Variants in PDZRN4 observed in about 807,000 individuals in gnomAD.
The protein encoded by PDZRN4 is PDZ domain containing ring finger 4, also known as PDZ domain-containing RING finger protein 4.
A neutral mutation model predicts 99.0 loss-of-function variants in PDZRN4; 70 were observed. The observed-to-expected ratio is 0.71, with a 90% CI of 0.58 to 0.86. PDZRN4 has a LOEUF of 0.86. PDZRN4 is among the 40% of genes least tolerant of loss of function. The pLI is 0.00. For missense variants in PDZRN4, 1,474 were observed against 1,331.2 expected (o/e 1.11, Z -1.67); for synonymous variants, 551 against 501.6 (o/e 1.10, Z -1.32).
At chr12:41,438,251 A>C (rs1952648226) in intron 3 of PDZRN4, among the ~76,000 whole-genome samples, 2 of 152,192 alleles carry the variant, frequency 1.3e-5, no homozygotes, top group Non-Finnish European at 2.9e-5. Flanking sequence ...ATCTACTGCC[A>C]AGATGTCAGT....
intron 3 of PDZRN4, among the ~76,000 whole-genome samples, chr12:41,365,570 G>C (rs1951993759): frequency 6.6e-6 from 1 of 151,986 alleles, no homozygotes; most frequent in Non-Finnish European, 1.5e-5. Context: ...TTTAGCAAAA[G>C]AAAGGGTGTT....
At chr12:41,567,031 G>C (rs539579233) in intron 8 of PDZRN4, among the ~76,000 whole-genome samples, 1 of 152,202 alleles carries the variant, frequency 6.6e-6, no homozygotes, top group South Asian at 2.1e-4. Flanking sequence ...AGTTCAATTT[G>C]CATTAAGAGT....
chr12:41,515,082 G>A (rs976803009), intron 5 of PDZRN4, among the ~76,000 whole-genome samples: 23 of 151,992 alleles, frequency 1.5e-4, no homozygotes, highest in Non-Finnish European at 1.0e-4. Flanking sequence ...GGAAATAAGC[G>A]CTTCCCCCAC....
At chr12:41,377,183 C>A (rs914356196) in intron 3 of PDZRN4, among the ~76,000 whole-genome samples, 4 of 152,058 alleles carry the variant, frequency 2.6e-5, no homozygotes, top group Non-Finnish European at 5.9e-5. Context: ...CTTTGTTGTT[C>A]TTTCTCAAGA....
At chr12:41,441,908 C>T (rs1952683569) in intron 3 of PDZRN4, among the ~76,000 whole-genome samples, 1 of 152,190 alleles carries the variant, frequency 6.6e-6, no homozygotes, top group South Asian at 2.1e-4. Context: ...TGCACATTCC[C>T]AGCATCAATT....
intron 3 of PDZRN4, among the ~76,000 whole-genome samples, chr12:41,463,552 T>A (rs1455221633): frequency 6.6e-6 from 1 of 151,996 alleles, no homozygotes; most frequent in African/African-American, 2.4e-5. Context: ...AATCTTTAAA[T>A]AAACAAATGA....
intron 3 of PDZRN4, among the ~76,000 whole-genome samples, chr12:41,480,326 T>C (rs1379195379): frequency 6.6e-6 from 1 of 152,184 alleles, no homozygotes; most frequent in Non-Finnish European, 1.5e-5. Flanking sequence ...ATATTATGCA[T>C]AGTCAAGTTG....
chr12:41,244,372 C>G (rs1951119505), intron 3 of PDZRN4, among the ~76,000 whole-genome samples: 1 of 152,200 alleles, frequency 6.6e-6, no homozygotes, highest in Non-Finnish European at 1.5e-5. Flanking sequence ...ATACCACAAC[C>G]AGAGTGTTCC....
intron 3 of PDZRN4, among the ~76,000 whole-genome samples, chr12:41,280,192 T>G (rs2120881673): frequency 6.6e-6 from 1 of 152,290 alleles, no homozygotes; most frequent in South Asian, 2.1e-4. Flanking sequence ...CTAGATACTA[T>G]GCTTTTCCCA....
intron 3 of PDZRN4, among the ~76,000 whole-genome samples, chr12:41,342,533 G>A (rs1387069885): frequency 2.0e-5 from 3 of 150,614 alleles, no homozygotes; most frequent in South Asian, 2.1e-4. Context: ...TTTTTTAAAT[G>A]AGCAAATGAT....
chr12:41,222,426 A>C (rs746414488), intron 3 of PDZRN4, among the ~76,000 whole-genome samples: 7 of 152,146 alleles, frequency 4.6e-5, no homozygotes, highest in African/African-American at 7.2e-5. Flanking sequence ...GTCACACAGA[A>C]ATGAGAAAAC....
At chr12:41,224,801 A>C (rs1460017101) in intron 3 of PDZRN4, among the ~76,000 whole-genome samples, 1 of 152,176 alleles carries the variant, frequency 6.6e-6, no homozygotes, top group African/African-American at 2.4e-5. Flanking sequence ...TATTGCTAAT[A>C]TTCCAATTGC....
At chr12:41,540,600 G>T (rs1315116780) in intron 5 of PDZRN4, among the ~76,000 whole-genome samples, 1 of 152,028 alleles carries the variant, frequency 6.6e-6, no homozygotes, top group Non-Finnish European at 1.5e-5. Context: ...CAGCATATAG[G>T]TCCATCATAA....
At chr12:41,195,270 C>T (rs1265716233) in intron 3 of PDZRN4, among the ~76,000 whole-genome samples, 1 of 152,066 alleles carries the variant, frequency 6.6e-6, no homozygotes, top group Non-Finnish European at 1.5e-5. Context: ...ATTAGTGAAG[C>T]TATAAATAGG....
intron 1 of PDZRN4, among the ~76,000 whole-genome samples, chr12:41,189,335 T>C (rs1178630039): frequency 1.3e-5 from 2 of 152,094 alleles, no homozygotes; most frequent in Non-Finnish European, 2.9e-5. Flanking sequence ...GTTAAACAGA[T>C]TCGATTCTAA....
At chr12:41,429,066 A>T (rs561252299) in intron 3 of PDZRN4, among the ~76,000 whole-genome samples, 1 of 152,320 alleles carries the variant, frequency 6.6e-6, no homozygotes, top group East Asian at 1.9e-4. Flanking sequence ...AGAATTTAAT[A>T]TGTTTTTAAT....
chr12:41,233,193 A>G (rs1951040542), intron 3 of PDZRN4, among the ~76,000 whole-genome samples: 1 of 152,220 alleles, frequency 6.6e-6, no homozygotes, highest in African/African-American at 2.4e-5. Context: ...AAAAATGCTC[A>G]TCATCACTGG....
At chr12:41,497,649 A>C (rs1940781841) in intron 3 of PDZRN4, among the ~76,000 whole-genome samples, 1 of 152,148 alleles carries the variant, frequency 6.6e-6, no homozygotes, top group Admixed American at 6.6e-5. Context: ...ATTAGCCAGG[A>C]GGCAGCCATC....
chr12:41,455,899 T>C (rs1952813554), intron 3 of PDZRN4, among the ~76,000 whole-genome samples: 1 of 152,192 alleles, frequency 6.6e-6, no homozygotes, highest in Non-Finnish European at 1.5e-5. Context: ...GGAACCATTG[T>C]CTACATTGTC....
Sources: gnomAD v4.1 joint callset for allele counts (sites outside exome capture counted in the v4.1 genomes callset) on GRCh38, gnomAD v4.1.1 for gene constraint, MANE v1.5 for transcripts, NCBI Gene and HGNC (gene_info 2026-07-23, HGNC 2026-07-21) for gene names.